Variants in PSMD11 observed in about 807,000 individuals in gnomAD.
The protein encoded by PSMD11 is 26S proteasome non-ATPase regulatory subunit 11.
PSMD11 carries 5 observed loss-of-function variants against 62.3 expected under a neutral mutation model. The observed-to-expected ratio is 0.08, with a 90% CI of 0.04 to 0.17. PSMD11 has a LOEUF of 0.17. Among genes scored for constraint, PSMD11 ranks in the 10% least tolerant of loss-of-function variants. The pLI, the probability that PSMD11 is intolerant of heterozygous loss-of-function variation, is 1.00. For missense variants in PSMD11, 310 were observed against 512.9 expected, an observed-to-expected ratio of 0.60 and a Z score of 3.82; for synonymous variants, 191 against 191.8, an observed-to-expected ratio of 1.00 and a Z score of 0.03.
chr17:32,476,505 T>TA (rs1352324562), intron 8 of PSMD11, among the ~76,000 whole-genome samples: 1 of 152,192 alleles, frequency 6.6e-6, no homozygotes, highest in East Asian at 1.9e-4. Flanking sequence ...CCATGTAGTC[T>TA]ACTGTATAAG....
intron 2 of PSMD11, among the ~76,000 whole-genome samples, chr17:32,451,632 G>A (rs888938545): frequency 6.6e-6 from 1 of 152,158 alleles, no homozygotes; most frequent in Non-Finnish European, 1.5e-5. Context: ...GTCATCAGTG[G>A]TAGAGTTCTG....
chr17:32,456,741 C>T (rs2076188078), intron 3 of PSMD11, among the ~76,000 whole-genome samples: 1 of 152,226 alleles, frequency 6.6e-6, no homozygotes, highest in South Asian at 2.1e-4. Flanking sequence ...CAGTGTTAGT[C>T]AGGATGGTCT....
chr17:32,445,764 T>G, intron 1 of PSMD11: 1 of 152,246 alleles, frequency 6.6e-6, no homozygotes, highest in East Asian at 1.9e-4. Flanking sequence ...ATTCCAGACC[T>G]GCACGGAGAA....
chr17:32,448,367 T>A (rs75428540), intron 2 of PSMD11, among the ~76,000 whole-genome samples: 184 of 151,834 alleles, frequency 1.2e-3, no homozygotes, highest in African/African-American at 3.3e-3. Flanking sequence ...TTTTTTTTTT[T>A]AATTATTATT....
chr17:32,474,749 T>C lies in PSMD11; in HGVS notation c.789-15T>C, dbSNP rs1908268785. The C allele has an allele frequency of 6.2e-7, 1 of 1,613,580 alleles. No homozygotes were observed. Among genetic ancestry groups the C allele is most frequent in the African/African-American group, 1.3e-5 (1 of 74,904 alleles). On this transcript the variant is annotated splice_polypyrimidine_tract_variant and intron_variant, in intron 7 of 13. Transcript: ENST00000261712. ...AACATCTGCAGCAATTGACCAAGTA[T>C]GTCTTTTTTTCTAGCCCAGAAGATG...
At position 32,460,088 on chromosome 17, in the gene PSMD11, C is replaced by A. The variant is rs1317710932; in HGVS notation, c.319-3961C>A. Among the ~76,000 whole-genome samples, 3 of 152,250 alleles carry A rather than the reference C, an allele frequency of 2.0e-5. No individual in the cohort carries two copies. The East Asian group carries it at 5.8e-4, about 29-fold the overall frequency. On this transcript the variant is annotated intron_variant, in intron 3 of 13. Coordinates refer to ENST00000261712, the MANE Select transcript of PSMD11 (RefSeq NM_002815.4). ...AGTTTTATTTATTTGAAATGGGGGTCTTGGTCTGTGGCCCACGTTGGGGTG... is the reference window on the plus strand; with the variant it reads ...AGTTTTATTTATTTGAAATGGGGGTATTGGTCTGTGGCCCACGTTGGGGTG...
At chr17:32,474,039 G>C (rs777434897) in intron 7 of PSMD11, 94 bp downstream of exon 7, 15 of 1,470,614 alleles carry the variant, frequency 1.0e-5, no homozygotes, top group Non-Finnish European at 1.4e-5. Flanking sequence ...AGTTTGGCCA[G>C]TTACAGAAAC....
At position 32,480,172 on chromosome 17, in the gene PSMD11, G is replaced by A; in HGVS notation, c.1101G>A (p.Gln367=). 4 of 1,614,002 alleles carry A rather than the reference G, an allele frequency of 2.5e-6. No homozygotes were observed. Among genetic ancestry groups the A allele is most frequent in the Non-Finnish European group, 3.4e-6 (4 of 1,179,842 alleles). The change falls in exon 12 of 14, where the codon CAG becomes CAA. Residue 367 remains glutamine (Q), a synonymous_variant. Transcript: ENST00000261712. ...CCGACGTGGAAAGGAAATTATCACA[G>A]ATGATTCTTGACAAGAAATTTCATG... ...SKADVERKLS[Q]MILDKKFHGI...
intron 3 of PSMD11, among the ~76,000 whole-genome samples, chr17:32,456,093 G>A (rs1013581403): frequency 2.8e-5 from 4 of 141,928 alleles, no homozygotes; most frequent in Admixed American, 7.4e-5. Context: ...GCAGTGAGCC[G>A]AGATCACGCC....
In PSMD11 at chr17:32,469,105, A is replaced by G; in HGVS notation, c.555A>G (p.Lys185=). The G allele has an allele frequency of 6.2e-7, 1 of 1,614,184 alleles. No individual in the cohort carries two copies. Among genetic ancestry groups the G allele is most frequent in the Non-Finnish European group, 8.5e-7 (1 of 1,180,044 alleles). Residue 185 remains lysine (K), a synonymous_variant, in exon 6 of 14, where the codon AAA becomes AAG. Transcript: ENST00000261712. ...ACCATGCCCTGAGCAACCTGCCGAA[A>G]GCCCGAGCTGCCTTAACTTCTGCTC... ...KTYHALSNLP[K]ARAALTSART... is the part of the protein sequence containing the mutation.
intron 3 of PSMD11, among the ~76,000 whole-genome samples, chr17:32,460,864 G>A (rs1238742952): frequency 6.6e-6 from 1 of 152,018 alleles, no homozygotes; most frequent in African/African-American, 2.4e-5. Flanking sequence ...AAGGTTTGGA[G>A]CCTAGAAAGT....
rs150555888 is a variant in PSMD11 at position 32,449,498 on chromosome 17, A to C, written c.193+2452A>C. Among the ~76,000 whole-genome samples the C allele has an allele frequency of 5.4e-3, 828 of 152,314 alleles. 8 individuals are homozygous for C. The highest frequency in any genetic ancestry group is 0.018 in the African/African-American group (737 of 41,548). On this transcript the variant is annotated intron_variant, in intron 2 of 13. Coordinates refer to ENST00000261712, the MANE Select transcript of PSMD11 (RefSeq NM_002815.4). ...AGTGTGTGGTATATAGTCAATACTT[A>C]AGTAATTTTCATCCAAAAATGTTAC...
intron 2 of PSMD11, among the ~76,000 whole-genome samples, chr17:32,452,808 C>T (rs1024214967): frequency 1.3e-5 from 2 of 152,110 alleles, no homozygotes; most frequent in African/African-American, 2.4e-5. Flanking sequence ...CTGGAGCAAT[C>T]GTTTTCATTT....
chr17:32,452,170 C>T (rs1251856000), intron 2 of PSMD11, among the ~76,000 whole-genome samples: 3 of 152,160 alleles, frequency 2.0e-5, no homozygotes, highest in Non-Finnish European at 4.4e-5. Flanking sequence ...GAGTTCAGGA[C>T]CTGCTACTAA....
intron 3 of PSMD11, among the ~76,000 whole-genome samples, chr17:32,463,707 A>C (rs1258158584): frequency 1.3e-5 from 2 of 152,190 alleles, no homozygotes; most frequent in African/African-American, 4.8e-5. Flanking sequence ...ACCAGGGAGA[A>C]ATCTGTGCTT....
In PSMD11 at chr17:32,444,604, C is replaced by G; in HGVS notation, c.81C>G (p.Leu27=). 1 of 1,611,760 alleles carries G rather than the reference C, an allele frequency of 6.2e-7. No homozygotes were observed. Among genetic ancestry groups the G allele is most frequent in the Non-Finnish European group, 8.5e-7 (1 of 1,179,348 alleles). ...STDREASIDI[L]HSIVKRDIQE... ...ACCGGGAGGCCTCCATCGACATCCT[C>G]CACTCCATCGGTAAAGGTCGCCGCG... The change falls in exon 1 of 14, where the codon CTC becomes CTG. Residue 27 remains leucine (L), a synonymous_variant. Coordinates refer to ENST00000261712, the MANE Select transcript of PSMD11 (RefSeq NM_002815.4).
intron 2 of PSMD11, among the ~76,000 whole-genome samples, chr17:32,448,400 C>G (rs1011958752): frequency 1.3e-5 from 2 of 150,836 alleles, no homozygotes; most frequent in Non-Finnish European, 3.0e-5. Flanking sequence ...GAGTTTTGCT[C>G]TTGTTGCCCA....
intron 3 of PSMD11, 38 bp from the exon 4 acceptor site, chr17:32,464,011 G>A: frequency 6.4e-7 from 1 of 1,571,628 alleles, no homozygotes; most frequent in Non-Finnish European, 8.8e-7. Context: ...AAGAATTTGA[G>A]GACATAATGT....
intron 3 of PSMD11, among the ~76,000 whole-genome samples, chr17:32,462,239 C>T (rs1434262878): frequency 6.6e-6 from 1 of 152,152 alleles, no homozygotes; most frequent in Non-Finnish European, 1.5e-5. Context: ...TTTGAAAAAA[C>T]TCCCTGGGTA....
Sources: gnomAD v4.1 joint callset for allele counts (sites outside exome capture counted in the v4.1 genomes callset) on GRCh38, gnomAD v4.1.1 for gene constraint, MANE v1.5 for transcripts, NCBI Gene and HGNC (gene_info 2026-07-23, HGNC 2026-07-21) for gene names.